Variants in ABI1 observed in about 807,000 individuals in gnomAD.
ABI1 encodes abl interactor 1, also known as Abelson interactor 1.
ABI1 carries 14 observed loss-of-function variants against 54.6 expected under a neutral mutation model. The ratio of observed to expected loss-of-function variants is 0.26; its 90% CI spans 0.17 to 0.40. ABI1 has a LOEUF of 0.40. Ranked by LOEUF, ABI1 falls within the 10% of genes least tolerant of loss-of-function variation. The pLI, the probability that ABI1 is intolerant of heterozygous loss-of-function variation, is 1.00. For missense variants in ABI1, 443 were observed against 598.3 expected (o/e 0.74, Z 2.71); for synonymous variants, 194 against 209.3 (o/e 0.93, Z 0.63).
Position 26,748,570 on chromosome 10 carries a change from T to A in ABI1, c.1446A>T (p.Ter482TyrextTer6). The change falls in exon 11 of 11, where the codon TAA (stop) becomes TAT (tyrosine). Residue 482 changes from the stop codon to tyrosine, a stop_lost. Coordinates refer to ENST00000376140, the MANE Select transcript of ABI1 (RefSeq NM_001012750.3). ...ATCTACTTCAAAAGAAAAAAAAAAA[T>A]TAATCAGTATAGTGCATGATTGATT... ...YVESIMHYTD[*>Y] The A allele has an allele frequency of 6.3e-7, 1 of 1,585,538 alleles. No individual in the cohort carries two copies. Among genetic ancestry groups the A allele is most frequent in the South Asian group, 1.2e-5 (1 of 85,718 alleles).
chr10:26,828,264 C>T (rs1408898118), intron 1 of ABI1, among the ~76,000 whole-genome samples: 2 of 152,226 alleles, frequency 1.3e-5, no homozygotes, highest in Admixed American at 1.3e-4. Flanking sequence ...CACATGAGTG[C>T]AGTTTGTGGT....
chr10:26,782,914 T>C (rs138005093), intron 2 of ABI1, among the ~76,000 whole-genome samples: 89 of 152,230 alleles, frequency 5.8e-4, no homozygotes, highest in African/African-American at 2.1e-3. Context: ...CTCTGAAACA[T>C]AGTATAGTGA....
intron 2 of ABI1, among the ~76,000 whole-genome samples, chr10:26,782,758 G>A (rs938023305): frequency 7.4e-5 from 11 of 147,902 alleles, no homozygotes; most frequent in Non-Finnish European, 1.2e-4. Context: ...TGGCCAATAA[G>A]CACATGAAAA....
chr10:26,822,854 CTCT>C (rs1299346842), intron 2 of ABI1, among the ~76,000 whole-genome samples: 2 of 152,116 alleles, frequency 1.3e-5, no homozygotes, highest in East Asian at 3.8e-4. Context: ...GTCAGAAAAG[CTCT>C]TAACAGTAGG....
At chr10:26,805,927 A>T (rs1373751284) in intron 2 of ABI1, among the ~76,000 whole-genome samples, 1 of 152,228 alleles carries the variant, frequency 6.6e-6, no homozygotes, top group Non-Finnish European at 1.5e-5. Flanking sequence ...TATAATTTAG[A>T]ACTTTAGGTT....
At chr10:26,812,927 C>A (rs2047331406) in intron 2 of ABI1, among the ~76,000 whole-genome samples, 1 of 151,986 alleles carries the variant, frequency 6.6e-6, no homozygotes, top group East Asian at 1.9e-4. Context: ...CAGTAAGTGC[C>A]AAAGAAGAGT....
chr10:26,749,049 G>C (rs965406001), intron 10 of ABI1, among the ~76,000 whole-genome samples: 1 of 152,154 alleles, frequency 6.6e-6, no homozygotes, highest in African/African-American at 2.4e-5. Flanking sequence ...AATACCAAGT[G>C]CCTATCATAT....
chr10:26,753,580 CTT>C (rs1837906359), intron 9 of ABI1, among the ~76,000 whole-genome samples: 1 of 152,118 alleles, frequency 6.6e-6, no homozygotes, highest in Non-Finnish European at 1.5e-5. Flanking sequence ...ACACTGCTGA[CTT>C]TTTTAGAGGC....
intron 2 of ABI1, among the ~76,000 whole-genome samples, chr10:26,815,207 C>A (rs1002812123): frequency 6.6e-6 from 1 of 152,042 alleles, no homozygotes; most frequent in Admixed American, 6.6e-5. Context: ...AATGCCCCCC[C>A]CAAAAGCCTG....
intron 2 of ABI1, among the ~76,000 whole-genome samples, chr10:26,819,416 C>T (rs2047817888): frequency 6.6e-6 from 1 of 152,148 alleles, no homozygotes; most frequent in South Asian, 2.1e-4. Context: ...AATATAGTAT[C>T]ACTTCAAAAT....
At chr10:26,836,109 GTTGT>G (rs1273068536) in intron 1 of ABI1, among the ~76,000 whole-genome samples, 2 of 151,500 alleles carry the variant, frequency 1.3e-5, no homozygotes, top group African/African-American at 2.4e-5. Context: ...ATCTTTTTTT[GTTGT>G]TTGTTTTTTG....
intron 1 of ABI1, among the ~76,000 whole-genome samples, chr10:26,844,437 T>C (rs17816804): frequency 0.02 from 3,097 of 152,308 alleles, 191 homozygotes; most frequent in South Asian, 0.19. Context: ...AAGGTTATGA[T>C]AGAACATCAA....
intron 3 of ABI1, among the ~76,000 whole-genome samples, chr10:26,774,798 C>T (rs1400295866): frequency 2.0e-5 from 3 of 151,388 alleles, no homozygotes; most frequent in South Asian, 2.1e-4. Flanking sequence ...AGCCTAGTAG[C>T]GATAAGAAAA....
intron 2 of ABI1, among the ~76,000 whole-genome samples, chr10:26,785,264 T>C (rs371777174): frequency 1.3e-4 from 20 of 152,338 alleles, no homozygotes; most frequent in African/African-American, 4.8e-4. Flanking sequence ...TACTTGAGTC[T>C]TTCATGTTTC....
At chr10:26,765,367 TA>T (rs533710129) in intron 6 of ABI1, 49 bp from the exon 7 acceptor site, 32 of 1,329,174 alleles carry the variant, frequency 2.4e-5, no homozygotes, top group Non-Finnish European at 2.7e-5. Context: ...GAGACATATT[TA>T]AAAAAAAACT....
intron 1 of ABI1, among the ~76,000 whole-genome samples, chr10:26,853,615 C>T (rs552132020): frequency 3.9e-3 from 583 of 151,010 alleles, no homozygotes; most frequent in Non-Finnish European, 6.0e-3. Context: ...TCTCAGCTCA[C>T]TGCAAGCTCC....
chr10:26,826,821 C>T (rs2048330535), intron 1 of ABI1, among the ~76,000 whole-genome samples: 1 of 152,222 alleles, frequency 6.6e-6, no homozygotes, highest in African/African-American at 2.4e-5. Flanking sequence ...AGCTTTCTCA[C>T]CTCACCTCTC....
chr10:26,786,699 T>C (rs1842769790), intron 2 of ABI1, among the ~76,000 whole-genome samples: 1 of 152,218 alleles, frequency 6.6e-6, no homozygotes, highest in Non-Finnish European at 1.5e-5. Context: ...GGTTTGTTTC[T>C]AACTCTCCCG....
In ABI1 at chr10:26,751,584, T is replaced by G. The variant is rs1284933344; in HGVS notation, c.1270+14A>C. On this transcript the variant is annotated intron_variant, in intron 10 of 10. Coordinates refer to ENST00000376140, the MANE Select transcript of ABI1 (RefSeq NM_001012750.3). ...GTTATTTTCCTTCACATCAACTCAATGACTGTACCTTACCTTTCTCAATAT... is the reference window on the plus strand; with the variant it reads ...GTTATTTTCCTTCACATCAACTCAAGGACTGTACCTTACCTTTCTCAATAT... 1 of 1,604,792 alleles carries G rather than the reference T, an allele frequency of 6.2e-7. No individual in the cohort carries two copies. Among genetic ancestry groups the G allele is most frequent in the South Asian group, 1.1e-5 (1 of 88,692 alleles).
Sources: gnomAD v4.1 joint callset for allele counts (sites outside exome capture counted in the v4.1 genomes callset) on GRCh38, gnomAD v4.1.1 for gene constraint, MANE v1.5 for transcripts, NCBI Gene and HGNC (gene_info 2026-07-23, HGNC 2026-07-21) for gene names.